Variants in SLC39A11 observed in about 807,000 individuals in gnomAD.
The protein encoded by SLC39A11 is zinc transporter ZIP11.
SLC39A11 carries 33 observed loss-of-function variants against 36.1 expected under a neutral mutation model. The ratio of observed to expected loss-of-function variants is 0.91; its 90% CI spans 0.69 to 1.22. The LOEUF (loss-of-function observed/expected upper bound fraction) is 1.22, where lower values mean the gene tolerates loss of function less well. Among genes scored for constraint, SLC39A11 ranks in the 50% most tolerant of loss-of-function variants. The pLI is 0.00. For missense variants in SLC39A11, 432 were observed against 430.3 expected (o/e 1.00, Z -0.03); for synonymous variants, 166 against 170.3 (o/e 0.97, Z 0.20).
intron 6 of SLC39A11, among the ~76,000 whole-genome samples, chr17:72,742,909 G>A (rs1972760): frequency 0.51 from 77,672 of 152,038 alleles, 21,259 homozygotes; most frequent in Non-Finnish European, 0.62. Context: ...ATCTTAAACC[G>A]CAAGGATATC....
At chr17:73,075,511 C>T (rs2060289990) in intron 3 of SLC39A11, among the ~76,000 whole-genome samples, 1 of 152,164 alleles carries the variant, frequency 6.6e-6, no homozygotes, top group African/African-American at 2.4e-5. Context: ...AGCTCAGAGG[C>T]ATTGTGGTAT....
intron 5 of SLC39A11, among the ~76,000 whole-genome samples, chr17:72,855,700 T>C (rs1205895020): frequency 6.6e-6 from 1 of 151,888 alleles, no homozygotes; most frequent in Non-Finnish European, 1.5e-5. Context: ...ATCGAGACCA[T>C]CCTGGCTAAC....
chr17:72,749,449 G>C (rs1012474729), intron 6 of SLC39A11, among the ~76,000 whole-genome samples: 1 of 152,190 alleles, frequency 6.6e-6, no homozygotes, highest in Non-Finnish European at 1.5e-5. Flanking sequence ...GGGGAACCTT[G>C]TATATTCACA....
intron 3 of SLC39A11, among the ~76,000 whole-genome samples, chr17:73,061,152 G>A (rs2059827840): frequency 6.6e-6 from 1 of 152,090 alleles, no homozygotes; most frequent in Non-Finnish European, 1.5e-5. Context: ...CCAAGGTCAG[G>A]AGTTCGAGAC....
intron 5 of SLC39A11, among the ~76,000 whole-genome samples, chr17:72,865,411 G>A (rs1444254538): frequency 2.4e-4 from 27 of 113,212 alleles, no homozygotes; most frequent in South Asian, 1.3e-3. Context: ...AAAACTGCTC[G>A]AAAAAAAAAA....
intron 4 of SLC39A11, among the ~76,000 whole-genome samples, chr17:72,969,813 A>T (rs2087302228): frequency 6.6e-6 from 1 of 152,120 alleles, no homozygotes; most frequent in Non-Finnish European, 1.5e-5. Context: ...TTTAATATTT[A>T]AAAAAAATTA....
intron 4 of SLC39A11, among the ~76,000 whole-genome samples, chr17:72,996,038 G>C (rs1287833165): frequency 1.3e-5 from 2 of 151,896 alleles, no homozygotes; most frequent in African/African-American, 4.8e-5. Flanking sequence ...TATTGTAGTA[G>C]CTGGAGTCTA....
chr17:72,848,491 A>T (rs2079151347), intron 6 of SLC39A11, among the ~76,000 whole-genome samples: 1 of 152,166 alleles, frequency 6.6e-6, no homozygotes, highest in Non-Finnish European at 1.5e-5. Context: ...GGGCCGAGGC[A>T]GGTGGATGAC....
intron 4 of SLC39A11, among the ~76,000 whole-genome samples, chr17:72,986,511 C>T (rs1039098033): frequency 1.3e-5 from 2 of 152,240 alleles, no homozygotes; most frequent in Admixed American, 1.3e-4. Flanking sequence ...ACCCTTCCAA[C>T]TGTGAGGTCC....
chr17:72,648,991 G>A (rs575599787), intron 8 of SLC39A11, 30 bp from the exon 9 acceptor site: 22 of 1,593,770 alleles, frequency 1.4e-5, no homozygotes, highest in Middle Eastern at 1.7e-4. Context: ...ATTTACCACC[G>A]CAGGGGGAGG....
chr17:72,682,141 C>T (rs1459581865), intron 7 of SLC39A11, among the ~76,000 whole-genome samples: 1 of 145,102 alleles, frequency 6.9e-6, no homozygotes, highest in African/African-American at 2.9e-5. Context: ...CACTGTCCCC[C>T]ATCACCCCTA....
intron 4 of SLC39A11, among the ~76,000 whole-genome samples, chr17:72,988,514 A>G (rs1329873814): frequency 6.6e-6 from 1 of 152,116 alleles, no homozygotes; most frequent in African/African-American, 2.4e-5. Flanking sequence ...TACTGACTCT[A>G]GTCACCCTAC....
At chr17:72,721,880 G>T (rs1487471982) in intron 7 of SLC39A11, among the ~76,000 whole-genome samples, 1 of 146,776 alleles carries the variant, frequency 6.8e-6, no homozygotes, top group Non-Finnish European at 1.5e-5. Flanking sequence ...TGAGGGAGGA[G>T]AATCGCTTGA....
At chr17:72,804,876 C>T (rs1341858741) in intron 6 of SLC39A11, among the ~76,000 whole-genome samples, 1 of 152,088 alleles carries the variant, frequency 6.6e-6, no homozygotes, top group Non-Finnish European at 1.5e-5. Context: ...AAAAATCAGC[C>T]AGGCGTGGTG....
chr17:72,770,483 T>C (rs962220310), intron 6 of SLC39A11, among the ~76,000 whole-genome samples: 2 of 152,182 alleles, frequency 1.3e-5, no homozygotes, highest in African/African-American at 4.8e-5. Flanking sequence ...TGACCTAATG[T>C]TCTTAGAAAT....
chr17:72,672,872 G>A (rs1037087142), intron 7 of SLC39A11, among the ~76,000 whole-genome samples: 17 of 152,128 alleles, frequency 1.1e-4, no homozygotes, highest in African/African-American at 3.9e-4. Flanking sequence ...GCCTCCCCAA[G>A]GGCTGGGATT....
chr17:72,946,879 A>G (rs912366893), intron 5 of SLC39A11, among the ~76,000 whole-genome samples: 42 of 152,348 alleles, frequency 2.8e-4, no homozygotes, highest in African/African-American at 9.9e-4. Flanking sequence ...AAAGGGCAAC[A>G]GCCCACTCTG....
chr17:72,725,577 T>G (rs12944071), intron 7 of SLC39A11: 2 of 151,986 alleles, frequency 1.3e-5, no homozygotes, highest in East Asian at 3.9e-4. Flanking sequence ...TAGATTTGGA[T>G]AGCGACACAC....
At chr17:72,725,902 G>A (rs1054408688) in intron 7 of SLC39A11, among the ~76,000 whole-genome samples, 2 of 152,194 alleles carry the variant, frequency 1.3e-5, no homozygotes, top group African/African-American at 2.4e-5. Context: ...GGATTGTGCC[G>A]AAGTGACTCA....
Sources: allele counts gnomAD v4.1 joint callset (sites outside exome capture counted in the v4.1 genomes callset), GRCh38; gene constraint gnomAD v4.1.1; transcripts MANE v1.5; gene names NCBI Gene and HGNC (gene_info 2026-07-23, HGNC 2026-07-21).